ATP9B: variants seen among roughly 807,000 people sequenced by gnomAD.
ATP9B encodes the protein ATPase phospholipid transporting 9B, also known as probable phospholipid-transporting ATPase IIB.
ATP9B carries 110 observed loss-of-function variants against 146.1 expected under a neutral mutation model. That is an observed-to-expected ratio of 0.75 (90% CI 0.65 to 0.88). The LOEUF (loss-of-function observed/expected upper bound fraction) is 0.88, where lower values mean the gene tolerates loss of function less well. Ranked by LOEUF, ATP9B falls within the 40% of genes least tolerant of loss-of-function variation. The probability of loss-of-function intolerance (pLI) is 0.00; values close to 1 mark genes in which losing one functional copy is unlikely to be tolerated. For missense variants in ATP9B, 1,499 were observed against 1,496.4 expected, an observed-to-expected ratio of 1.00 and a Z score of -0.03; for synonymous variants, 604 against 569.7, an observed-to-expected ratio of 1.06 and a Z score of -0.86.
intron 13 of ATP9B, among the ~76,000 whole-genome samples, chr18:79,296,850 G>A (rs556508379): frequency 2.4e-4 from 37 of 152,310 alleles, no homozygotes; most frequent in South Asian, 1.9e-3. Context: ...GGAGATGCAC[G>A]CTCAGCAGCT....
At chr18:79,327,966 GGTTAGCGTGCTCTCTC>G (rs1380901072) in intron 15 of ATP9B, among the ~76,000 whole-genome samples, 29 of 134,444 alleles carry the variant, frequency 2.2e-4, no homozygotes, top group Middle Eastern at 5.0e-3. Context: ...TGCTCTCCGT[GGTTAGCGTGCTCTCTC>G]TGGTTAGCGT....
intron 9 of ATP9B, among the ~76,000 whole-genome samples, chr18:79,195,192 C>A (rs900409743): frequency 3.9e-5 from 6 of 152,150 alleles, no homozygotes; most frequent in Non-Finnish European, 2.9e-5. Flanking sequence ...AAACAAATTC[C>A]ACCTCCCATC....
chr18:79,112,965 T>TA (rs1020355327), intron 3 of ATP9B, among the ~76,000 whole-genome samples: 2 of 152,188 alleles, frequency 1.3e-5, no homozygotes, highest in East Asian at 1.9e-4. Flanking sequence ...ATAAGAAAAA[T>TA]AAAAAAACTT....
chr18:79,090,387 C>A (rs2074221356), intron 1 of ATP9B, among the ~76,000 whole-genome samples: 1 of 152,186 alleles, frequency 6.6e-6, no homozygotes, highest in South Asian at 2.1e-4. Context: ...TACATTCCCA[C>A]CAACAGTGTA....
chr18:79,336,566 C>T, intron 17 of ATP9B, 62 bp from the exon 18 acceptor site: 1 of 1,494,750 alleles, frequency 6.7e-7, no homozygotes, highest in Non-Finnish European at 9.3e-7. Context: ...ACTGCCCTGG[C>T]CCCACACACG....
chr18:79,336,790 T>G, intron 18 of ATP9B, 79 bp downstream of exon 18: 1 of 1,438,106 alleles, frequency 7.0e-7, no homozygotes. Context: ...TGTCTTTGTA[T>G]GAAATTAGAG....
intron 13 of ATP9B, among the ~76,000 whole-genome samples, chr18:79,300,399 T>C (rs1460824639): frequency 6.6e-6 from 1 of 152,132 alleles, no homozygotes; most frequent in Non-Finnish European, 1.5e-5. Flanking sequence ...GTGGGAGGTC[T>C]TTCCCTTCTC....
chr18:79,297,771 A>G (rs1285117017), intron 13 of ATP9B, among the ~76,000 whole-genome samples: 1 of 148,004 alleles, frequency 6.8e-6, no homozygotes, highest in Non-Finnish European at 1.5e-5. Flanking sequence ...TTTCGCCTTG[A>G]TAAGACTCTA....
chr18:79,343,059 C>T (rs2096867619), intron 20 of ATP9B, among the ~76,000 whole-genome samples: 2 of 152,174 alleles, frequency 1.3e-5, no homozygotes, highest in Non-Finnish European at 2.9e-5. Context: ...AGTGAACAGA[C>T]ATTCTGTGTC....
At chr18:79,105,972 G>A (rs907085617) in intron 2 of ATP9B, among the ~76,000 whole-genome samples, 4 of 152,102 alleles carry the variant, frequency 2.6e-5, no homozygotes, top group African/African-American at 9.7e-5. Context: ...AAATCTGTGG[G>A]AATTATTTAA....
chr18:79,149,852 G>A lies in ATP9B; in HGVS notation c.727-4652G>A, dbSNP rs188177860. On this transcript the variant is annotated intron_variant, in intron 6 of 29. Transcript: ENST00000426216. Reference sequence around the variant, plus strand: ...AATCCCAGCACTTTGGGAGGTCGAAGGGGACGGATCACAAGGTCAAGAGAT... The same window carrying A: ...AATCCCAGCACTTTGGGAGGTCGAAAGGGACGGATCACAAGGTCAAGAGAT... Among the ~76,000 whole-genome samples the A allele has an allele frequency of 1.2e-3, 185 of 152,272 alleles. 3 individuals carry two copies. The highest frequency in any genetic ancestry group is 4.3e-3 in the African/African-American group (177 of 41,562).
intron 11 of ATP9B, among the ~76,000 whole-genome samples, chr18:79,225,804 G>A (rs928138356): frequency 1.6e-5 from 2 of 125,986 alleles, no homozygotes; most frequent in African/African-American, 3.3e-5. Context: ...TCCCGCAGTC[G>A]CAGGGCGGCC....
chr18:79,218,732 A>G (rs2095651667), intron 11 of ATP9B, among the ~76,000 whole-genome samples: 2 of 152,238 alleles, frequency 1.3e-5, no homozygotes, highest in South Asian at 4.1e-4. Context: ...CCACTGGGAT[A>G]AGAAAATACT....
intron 28 of ATP9B, among the ~76,000 whole-genome samples, chr18:79,374,938 A>G (rs1430406539): frequency 1.3e-5 from 2 of 152,246 alleles, no homozygotes; most frequent in African/African-American, 4.8e-5. Context: ...GGCAGGACTC[A>G]CCACGACTTT....
intron 13 of ATP9B, among the ~76,000 whole-genome samples, chr18:79,295,466 G>A (rs539139316): frequency 1.3e-5 from 2 of 152,258 alleles, no homozygotes; most frequent in South Asian, 2.1e-4. Flanking sequence ...TAAGTGAAAG[G>A]GGGTATTATG....
intron 15 of ATP9B, among the ~76,000 whole-genome samples, chr18:79,327,777 G>GTT (rs2096764370): frequency 7.4e-6 from 1 of 135,106 alleles, no homozygotes; most frequent in Non-Finnish European, 1.6e-5. Context: ...TGGTTAACGT[G>GTT]CTCTCCGTGG....
At chr18:79,283,982 C>T (rs536406891) in intron 13 of ATP9B, among the ~76,000 whole-genome samples, 17 of 152,194 alleles carry the variant, frequency 1.1e-4, no homozygotes, top group South Asian at 6.2e-4. Context: ...AGAACAAAGC[C>T]GTTACTAAAA....
chr18:79,196,123 C>T (rs949832646), intron 9 of ATP9B, among the ~76,000 whole-genome samples: 2 of 152,158 alleles, frequency 1.3e-5, no homozygotes, highest in Admixed American at 6.5e-5. Context: ...TCTCAGCATA[C>T]GGAGCCATAC....
chr18:79,071,087 G>C (rs73001148), intron 1 of ATP9B, among the ~76,000 whole-genome samples: 16,963 of 126,904 alleles, frequency 0.13, 1,541 homozygotes, highest in African/African-American at 0.27. Flanking sequence ...GGGTTACTTG[G>C]ACACTTTTTT....
Sources: allele counts gnomAD v4.1 joint callset (sites outside exome capture counted in the v4.1 genomes callset), GRCh38; gene constraint gnomAD v4.1.1; transcripts MANE v1.5; gene names NCBI Gene and HGNC (gene_info 2026-07-23, HGNC 2026-07-21).